Variants in RARB observed in about 807,000 individuals in gnomAD.
RARB encodes the protein HBV-activated protein.
RARB carries 17 observed loss-of-function variants against 51.9 expected under a neutral mutation model. That is an observed-to-expected ratio of 0.33 (90% CI 0.22 to 0.49). The LOEUF (loss-of-function observed/expected upper bound fraction) is 0.49, where lower values mean the gene tolerates loss of function less well. Among genes scored for constraint, RARB ranks in the 20% least tolerant of loss-of-function variants. RARB has a pLI of 0.99. For synonymous variants in RARB, 215 were observed against 195.4 expected, an observed-to-expected ratio of 1.10 and a Z score of -0.84; for missense variants, 369 against 550.8, an observed-to-expected ratio of 0.67 and a Z score of 3.30.
intron 1 of RARB, among the ~76,000 whole-genome samples, chr3:25,442,966 G>C (rs1045507477): frequency 6.6e-6 from 1 of 152,024 alleles, no homozygotes; most frequent in African/African-American, 2.4e-5. Flanking sequence ...AAACTTCAGG[G>C]AGGCAGAGAG....
intron 1 of RARB, among the ~76,000 whole-genome samples, chr3:25,448,168 G>A (rs1226921691): frequency 6.6e-6 from 1 of 152,034 alleles, no homozygotes; most frequent in African/African-American, 2.4e-5. Flanking sequence ...CGACTCCCGA[G>A]TTCATACTTC....
intron 4 of RARB, among the ~76,000 whole-genome samples, chr3:25,136,993 GAA>G (rs992568494): frequency 6.6e-6 from 1 of 151,796 alleles, no homozygotes; most frequent in African/African-American, 2.4e-5. Context: ...TGTTCAAAAA[GAA>G]AAAAATATTA....
At chr3:25,377,372 G>A (rs1235732292) in intron 5 of RARB, among the ~76,000 whole-genome samples, 1 of 152,188 alleles carries the variant, frequency 6.6e-6, no homozygotes, top group Non-Finnish European at 1.5e-5. Flanking sequence ...GAAACGTGCA[G>A]ATAGACACAT....
intron 1 of RARB, among the ~76,000 whole-genome samples, chr3:24,829,527 G>C (rs1363140699): frequency 1.3e-5 from 2 of 152,300 alleles, no homozygotes; most frequent in African/African-American, 4.8e-5. Context: ...TCCAGGGACC[G>C]GCTGCCTAGC....
chr3:25,575,246 T>C (rs974579950), intron 4 of RARB, among the ~76,000 whole-genome samples: 4 of 152,158 alleles, frequency 2.6e-5, no homozygotes, highest in African/African-American at 9.7e-5. Context: ...GCGATAACGC[T>C]CGCTCCTGGC....
intron 2 of RARB, among the ~76,000 whole-genome samples, chr3:25,034,953 A>G (rs374462006): frequency 8.5e-5 from 13 of 152,304 alleles, no homozygotes; most frequent in African/African-American, 2.9e-4. Flanking sequence ...TGTCTCCACC[A>G]CTGTGAATTG....
intron 5 of RARB, among the ~76,000 whole-genome samples, chr3:25,298,096 G>A (rs139060324): frequency 2.5e-3 from 381 of 152,224 alleles, no homozygotes; most frequent in African/African-American, 8.6e-3. Flanking sequence ...TCAGGGTAGG[G>A]GGAATAGTAT....
exon 5 of RARB, chr3:25,174,157 C>G: frequency 4.5e-6 from 1 of 223,500 alleles, no homozygotes. Flanking sequence ...TAGTGTCTCA[C>G]TGGTCTTAAA....
At chr3:25,549,101 G>A (rs542983786) in intron 3 of RARB, among the ~76,000 whole-genome samples, 5 of 151,904 alleles carry the variant, frequency 3.3e-5, no homozygotes, top group Non-Finnish European at 5.9e-5. Context: ...TCTGGTATGC[G>A]TATGAAATGG....
At position 25,298,333 on chromosome 3, in the gene RARB, C is replaced by T. The variant is rs563037627; in HGVS notation, c.178+123758C>T. On this transcript the variant is annotated intron_variant, in intron 5 of 11. Coordinates refer to the RARB transcript ENST00000383772. ...AAGTAGCTGGGGTTACAGCCACGTG[C>T]CACCACGCCTGGCTAATTTTTTATT... Among the ~76,000 whole-genome samples, 4 of 152,146 alleles carry T rather than the reference C, an allele frequency of 2.6e-5. No homozygotes were observed. In the South Asian group the frequency reaches 8.3e-4, roughly 32 times the overall value.
chr3:25,468,728 C>A (rs1156426098), intron 2 of RARB, among the ~76,000 whole-genome samples: 1 of 152,066 alleles, frequency 6.6e-6, no homozygotes, highest in Non-Finnish European at 1.5e-5. Context: ...GACATCTCTG[C>A]GACAAAAAAT....
At chr3:25,016,843 A>G (rs1000106946) in intron 2 of RARB, among the ~76,000 whole-genome samples, 1 of 152,138 alleles carries the variant, frequency 6.6e-6, no homozygotes, top group Non-Finnish European at 1.5e-5. Flanking sequence ...ACTTACAAGA[A>G]CAAACACCGG....
intron 2 of RARB, among the ~76,000 whole-genome samples, chr3:25,468,206 G>A (rs1695524803): frequency 6.6e-6 from 1 of 152,126 alleles, no homozygotes; most frequent in Admixed American, 6.5e-5. Flanking sequence ...CCAGTACCAT[G>A]TCAAATACAG....
At chr3:25,323,866 A>G (rs1472843129) in intron 5 of RARB, among the ~76,000 whole-genome samples, 6 of 152,340 alleles carry the variant, frequency 3.9e-5, no homozygotes, top group Admixed American at 6.5e-5. Context: ...CAGCTTAACT[A>G]CAAGTTTATC....
At chr3:24,878,082 T>C (rs1391879025) in intron 2 of RARB, among the ~76,000 whole-genome samples, 2 of 152,204 alleles carry the variant, frequency 1.3e-5, no homozygotes, top group Non-Finnish European at 2.9e-5. Context: ...GTGAGTGTTT[T>C]GAGGCTATGT....
At chr3:25,355,898 G>A (rs1279069637) in intron 5 of RARB, among the ~76,000 whole-genome samples, 3 of 151,878 alleles carry the variant, frequency 2.0e-5, no homozygotes, top group South Asian at 2.1e-4. Context: ...TATGGGATGC[G>A]TCTATAATGA....
intron 5 of RARB, among the ~76,000 whole-genome samples, chr3:25,281,871 G>T (rs991373680): frequency 6.6e-6 from 1 of 152,214 alleles, no homozygotes; most frequent in Non-Finnish European, 1.5e-5. Flanking sequence ...GATATCTCCT[G>T]TTTGGAAGGG....
intron 3 of RARB, among the ~76,000 whole-genome samples, chr3:25,128,805 G>A (rs1699900403): frequency 6.6e-6 from 1 of 151,784 alleles, no homozygotes; most frequent in Non-Finnish European, 1.5e-5. Flanking sequence ...TGATGAACTC[G>A]AGGAAATTTT....
chr3:25,169,485 G>T (rs1700608662), intron 4 of RARB, among the ~76,000 whole-genome samples: 1 of 152,112 alleles, frequency 6.6e-6, no homozygotes, highest in African/African-American at 2.4e-5. Context: ...CTCCAGGAAA[G>T]AAACAATTTT....
Sources: gnomAD v4.1 joint callset for allele counts (sites outside exome capture counted in the v4.1 genomes callset) on GRCh38, gnomAD v4.1.1 for gene constraint, MANE v1.5 for transcripts, NCBI Gene and HGNC (gene_info 2026-07-23, HGNC 2026-07-21) for gene names.